The following JAZF1 variants were observed in gnomAD, a reference collection of about 807,000 sequenced individuals.
JAZF1 encodes the protein juxtaposed with another zinc finger protein 1.
Under a neutral mutation model 26.4 loss-of-function variants are expected in JAZF1, and 8 were observed. That is an observed-to-expected ratio of 0.30 (90% CI 0.18 to 0.55). The LOEUF (loss-of-function observed/expected upper bound fraction) is 0.55. JAZF1 is among the 20% of genes least tolerant of loss of function. JAZF1 has a pLI of 0.94. For synonymous variants in JAZF1, 126 were observed against 122.3 expected, an observed-to-expected ratio of 1.03 and a Z score of -0.20; for missense variants, 199 against 322.0, an observed-to-expected ratio of 0.62 and a Z score of 2.92.
intron 2 of JAZF1, chr7:27,913,408 A>G: frequency 4.3e-6 from 2 of 460,716 alleles, no homozygotes; most frequent in African/African-American, 2.0e-5. Context: ...GACAAGTAGG[A>G]CAGCGAGAAG....
chr7:27,924,254 T>G (rs1045635322), intron 2 of JAZF1, among the ~76,000 whole-genome samples: 5 of 152,286 alleles, frequency 3.3e-5, no homozygotes, highest in Middle Eastern at 3.4e-3. Flanking sequence ...ATTTTTGTAT[T>G]TTTAGTAGAG....
chr7:27,928,095 G>C (rs994145987), intron 2 of JAZF1, among the ~76,000 whole-genome samples: 4 of 152,210 alleles, frequency 2.6e-5, no homozygotes, highest in Admixed American at 2.6e-4. Flanking sequence ...GTGCCAAATG[G>C]TATGTGATGG....
intron 1 of JAZF1, among the ~76,000 whole-genome samples, chr7:28,003,393 T>C (rs1186041490): frequency 6.6e-6 from 1 of 152,196 alleles, no homozygotes; most frequent in East Asian, 1.9e-4. Context: ...TATGGCTCTT[T>C]TGGTCGTTTT....
intron 1 of JAZF1, among the ~76,000 whole-genome samples, chr7:28,054,862 G>A (rs538061951): frequency 7.9e-5 from 12 of 151,962 alleles, no homozygotes; most frequent in Non-Finnish European, 1.3e-4. Context: ...CGCTAGGTAG[G>A]ATTTACCTCA....
chr7:28,089,785 G>A (rs1490274205), intron 1 of JAZF1, among the ~76,000 whole-genome samples: 1 of 152,246 alleles, frequency 6.6e-6, no homozygotes, highest in Non-Finnish European at 1.5e-5. Flanking sequence ...CAAAGAACTT[G>A]ATTGAACTGT....
At chr7:27,952,493 A>G (rs1785027224) in intron 2 of JAZF1, among the ~76,000 whole-genome samples, 1 of 152,250 alleles carries the variant, frequency 6.6e-6, no homozygotes, top group Admixed American at 6.5e-5. Flanking sequence ...ATTGTAATCC[A>G]CCAATTCTCT....
Position 28,035,359 on chromosome 7 carries a change from GC to G in JAZF1, c.116-43379del, listed in dbSNP as rs201409633. ...AAAAAAAAAAGAAAGAAAGAAACAG[GC>G]CCAATTTATCTGTTATAGTGTTGAA... is the stretch of plus-strand genomic sequence containing the variant. On this transcript the variant is annotated intron_variant, in intron 1 of 4. Transcript: ENST00000283928. Among the ~76,000 whole-genome samples the G allele has an allele frequency of 1.7e-3, 182 of 109,402 alleles. 9 individuals carry two copies. The East Asian group carries it at 0.037, about 22-fold the overall frequency. 71.8% of individuals were successfully genotyped at this position (109,402 alleles called of 152,430 possible). A position where few individuals can be genotyped will look rare whatever the true frequency, so the allele number is the denominator to read the frequency against.
chr7:27,853,827 G>C (rs1783195238), intron 3 of JAZF1, among the ~76,000 whole-genome samples: 1 of 152,304 alleles, frequency 6.6e-6, no homozygotes, highest in Admixed American at 6.5e-5. Context: ...GTTTGATGAG[G>C]TGCTGAGAAG....
chr7:27,833,253 T>C (rs1282922731), intron 4 of JAZF1: 2 of 207,304 alleles, frequency 9.6e-6, no homozygotes, highest in African/African-American at 2.3e-5. Context: ...ATAAAATATA[T>C]ATTTAGGACT....
chr7:27,869,452 C>G (rs1783541634), intron 3 of JAZF1, among the ~76,000 whole-genome samples: 1 of 152,158 alleles, frequency 6.6e-6, no homozygotes, highest in South Asian at 2.1e-4. Context: ...CTCTAGACAG[C>G]AGTAGCTCGA....
intron 1 of JAZF1, among the ~76,000 whole-genome samples, chr7:28,069,571 G>A (rs573006142): frequency 4.6e-5 from 7 of 152,252 alleles, no homozygotes; most frequent in Non-Finnish European, 8.8e-5. Context: ...GAGAGGTACC[G>A]AGGGAGAGGC....
chr7:27,869,739 A>G (rs776401486), intron 3 of JAZF1, among the ~76,000 whole-genome samples: 1 of 152,190 alleles, frequency 6.6e-6, no homozygotes, highest in African/African-American at 2.4e-5. Context: ...CACGGCAACA[A>G]AAGACACTAT....
At chr7:27,938,745 C>G (rs1261030626) in intron 2 of JAZF1, among the ~76,000 whole-genome samples, 2 of 151,684 alleles carry the variant, frequency 1.3e-5, no homozygotes, top group Non-Finnish European at 2.9e-5. Flanking sequence ...GATTATGGCT[C>G]ACTGCAACCT....
intron 1 of JAZF1, among the ~76,000 whole-genome samples, chr7:28,154,530 T>C (rs989963278): frequency 2.0e-5 from 3 of 152,266 alleles, no homozygotes; most frequent in Non-Finnish European, 4.4e-5. Flanking sequence ...ACCAACTAAC[T>C]AACCAAACCA....
intron 1 of JAZF1, among the ~76,000 whole-genome samples, chr7:28,046,874 G>A (rs1346319487): frequency 5.9e-5 from 9 of 151,918 alleles, no homozygotes; most frequent in Non-Finnish European, 1.3e-4. Context: ...GAATATTAAC[G>A]CTTTTTATGT....
At position 27,936,000 on chromosome 7, in the gene JAZF1, G is replaced by T. The variant is rs530082708; in HGVS notation, c.189-40584C>A. On this transcript the variant is annotated intron_variant, in intron 2 of 4. Transcript: ENST00000283928. The stretch of plus-strand genomic sequence containing the variant: ...GGTGCTCACTCCCAGTACCTCGTGC[G>T]CCTTGCCCTAGTCCCAGCCCTGGTT... Among the ~76,000 whole-genome samples the T allele has an allele frequency of 2.6e-5, 4 of 152,290 alleles. No homozygotes were observed. In the East Asian group the frequency reaches 7.7e-4, roughly 29 times the overall value.
intron 2 of JAZF1, among the ~76,000 whole-genome samples, chr7:27,951,636 T>C (rs1422359484): frequency 6.6e-6 from 1 of 152,188 alleles, no homozygotes; most frequent in Non-Finnish European, 1.5e-5. Flanking sequence ...ATTATTACAG[T>C]ATTTAGGTCC....
At chr7:28,046,602 T>C (rs1408081881) in intron 1 of JAZF1, among the ~76,000 whole-genome samples, 2 of 152,226 alleles carry the variant, frequency 1.3e-5, no homozygotes, top group Non-Finnish European at 2.9e-5. Flanking sequence ...TAAATCTACA[T>C]TTCTAGAAAG....
At chr7:27,866,440 C>A (rs1783474761) in intron 3 of JAZF1, among the ~76,000 whole-genome samples, 1 of 152,158 alleles carries the variant, frequency 6.6e-6, no homozygotes, top group Non-Finnish European at 1.5e-5. Flanking sequence ...TGACAGTTAT[C>A]TCACCTCTCC....
Sources: gnomAD v4.1 joint callset for allele counts (sites outside exome capture counted in the v4.1 genomes callset) on GRCh38, gnomAD v4.1.1 for gene constraint, MANE v1.5 for transcripts, NCBI Gene and HGNC (gene_info 2026-07-23, HGNC 2026-07-21) for gene names.